The following PTPRD variants were observed in gnomAD, a reference collection of about 807,000 sequenced individuals.
The protein encoded by PTPRD is receptor-type tyrosine-protein phosphatase delta.
Under a neutral mutation model 214.5 loss-of-function variants are expected in PTPRD, and 34 were observed. The observed-to-expected ratio is 0.16, with a 90% CI of 0.12 to 0.21. The LOEUF (loss-of-function observed/expected upper bound fraction) is 0.21, where lower values mean the gene tolerates loss of function less well. Among genes scored for constraint, PTPRD ranks in the 10% least tolerant of loss-of-function variants. The pLI is 1.00. For synonymous variants in PTPRD, 1,128 were observed against 845.7 expected, an observed-to-expected ratio of 1.33 and a Z score of -5.79; for missense variants, 2,545 against 2,398.7, an observed-to-expected ratio of 1.06 and a Z score of -1.27.
chr9:8,797,730 A>G (rs1438249061), intron 11 of PTPRD, among the ~76,000 whole-genome samples: 1 of 152,216 alleles, frequency 6.6e-6, no homozygotes, highest in Middle Eastern at 3.2e-3. Context: ...GCTTTGTATT[A>G]AAGATATTTG....
At chr9:8,373,648 TGTGTG>T (rs2082215951) in intron 39 of PTPRD, among the ~76,000 whole-genome samples, 1 of 102,260 alleles carries the variant, frequency 9.8e-6, no homozygotes, top group Non-Finnish European at 2.4e-5. Flanking sequence ...TGTGTGTGTG[TGTGTG>T]TGTATTTTCT....
At chr9:9,984,977 C>T (rs1445561341) in intron 4 of PTPRD, among the ~76,000 whole-genome samples, 1 of 152,110 alleles carries the variant, frequency 6.6e-6, no homozygotes, top group Admixed American at 6.6e-5. Flanking sequence ...ATCATGCTCA[C>T]TATAAAGGAG....
intron 40 of PTPRD, 58 bp downstream of exon 40, chr9:8,341,635 C>A: frequency 6.3e-7 from 1 of 1,582,192 alleles, no homozygotes; most frequent in Non-Finnish European, 8.6e-7. Context: ...AGCCACGACT[C>A]AAAGACAAAC....
intron 11 of PTPRD, among the ~76,000 whole-genome samples, chr9:8,888,248 G>A (rs894249396): frequency 6.6e-6 from 1 of 152,272 alleles, no homozygotes; most frequent in East Asian, 1.9e-4. Context: ...AGTACTATGT[G>A]AAAGTCTATG....
intron 14 of PTPRD, among the ~76,000 whole-genome samples, chr9:8,603,189 A>G (rs560612696): frequency 3.9e-5 from 6 of 152,320 alleles, no homozygotes; most frequent in African/African-American, 1.4e-4. Flanking sequence ...AGGTTTCACC[A>G]TTTATAAGTT....
chr9:8,709,389 C>G (rs559533000), intron 12 of PTPRD, among the ~76,000 whole-genome samples: 1 of 151,652 alleles, frequency 6.6e-6, no homozygotes, highest in East Asian at 1.9e-4. Flanking sequence ...GTGGCAGGCA[C>G]CTGTAGTCCC....
At chr9:8,931,464 T>A (rs180714893) in intron 11 of PTPRD, among the ~76,000 whole-genome samples, 1 of 152,204 alleles carries the variant, frequency 6.6e-6, no homozygotes, top group East Asian at 1.9e-4. Flanking sequence ...TGGTTCCGTA[T>A]GAACTTTAAA....
At chr9:10,259,260 G>A (rs1463471766) in intron 3 of PTPRD, among the ~76,000 whole-genome samples, 5 of 151,988 alleles carry the variant, frequency 3.3e-5, no homozygotes, top group African/African-American at 1.2e-4. Flanking sequence ...TCCTGACCTC[G>A]TGATCAGCCC....
At chr9:9,286,476 A>G (rs1295705587) in intron 9 of PTPRD, among the ~76,000 whole-genome samples, 1 of 151,830 alleles carries the variant, frequency 6.6e-6, no homozygotes, top group Non-Finnish European at 1.5e-5. Flanking sequence ...TTTTGTAATT[A>G]TCGCAGAACT....
At chr9:9,568,272 C>T (rs148483794) in intron 8 of PTPRD, among the ~76,000 whole-genome samples, 3,154 of 151,920 alleles carry the variant, frequency 0.021, 47 homozygotes, top group Admixed American at 0.027. Context: ...TCATAGTGCA[C>T]ATCCTTCTTG....
At chr9:10,081,582 C>T (rs957504539) in intron 3 of PTPRD, among the ~76,000 whole-genome samples, 3 of 152,052 alleles carry the variant, frequency 2.0e-5, no homozygotes, top group Admixed American at 6.6e-5. Context: ...TCACCGCAAC[C>T]TGACCATGCT....
intron 5 of PTPRD, among the ~76,000 whole-genome samples, chr9:9,838,300 G>C (rs1391146590): frequency 1.3e-5 from 2 of 151,906 alleles, no homozygotes; most frequent in Non-Finnish European, 2.9e-5. Context: ...GGGATGGCTG[G>C]GTCAAATGGT....
intron 4 of PTPRD, among the ~76,000 whole-genome samples, chr9:9,973,070 A>G (rs546017750): frequency 6.2e-4 from 95 of 152,264 alleles, no homozygotes; most frequent in South Asian, 1.2e-3. Context: ...GAAAATTCCA[A>G]TAAGTCTAGA....
intron 8 of PTPRD, among the ~76,000 whole-genome samples, chr9:9,457,096 C>T (rs949452427): frequency 2.0e-5 from 3 of 151,792 alleles, no homozygotes; most frequent in Non-Finnish European, 2.9e-5. Flanking sequence ...AACAGGACAG[C>T]AATAGGGTAG....
intron 11 of PTPRD, among the ~76,000 whole-genome samples, chr9:8,866,770 CTCA>C (rs571834988): frequency 5.7e-5 from 5 of 87,216 alleles, no homozygotes; most frequent in African/African-American, 2.3e-4. Flanking sequence ...TAAGAATCAT[CTCA>C]TCAAGTCAGT....
At chr9:10,099,195 C>T (rs1591148755) in intron 3 of PTPRD, among the ~76,000 whole-genome samples, 1 of 151,690 alleles carries the variant, frequency 6.6e-6, no homozygotes, top group South Asian at 2.1e-4. Flanking sequence ...TTATTAAGAG[C>T]CTGGGGTCTA....
intron 45 of PTPRD, 100 bp from the exon 46 acceptor site, chr9:8,318,042 A>T: frequency 8.7e-7 from 1 of 1,147,326 alleles, no homozygotes; most frequent in Non-Finnish European, 1.3e-6. Flanking sequence ...TAACATCTAT[A>T]TAGGGGCAAA....
intron 2 of PTPRD, among the ~76,000 whole-genome samples, chr9:10,492,747 G>A (rs2132769738): frequency 6.6e-6 from 1 of 152,158 alleles, no homozygotes; most frequent in South Asian, 2.1e-4. Context: ...TTTGGCTTTT[G>A]TTGCCATTGC....
rs56297149 is a variant in PTPRD at position 10,150,652 on chromosome 9, G to A, written c.-544-116862C>T. On this transcript the variant is annotated intron_variant, in intron 3 of 45. Coordinates refer to ENST00000381196, the MANE Select transcript of PTPRD (RefSeq NM_002839.4). ...GTGCACATGTACCCTAGAACTTAAAGTAAAATAAAAAAAAAACTTAAAAAT... is the reference window on the plus strand; with the variant it reads ...GTGCACATGTACCCTAGAACTTAAAATAAAATAAAAAAAAAACTTAAAAAT... Among the ~76,000 whole-genome samples, 600 of 143,744 alleles carry A rather than the reference G, an allele frequency of 4.2e-3. 1 individual carries two copies. Among genetic ancestry groups the A allele is most frequent in the Non-Finnish European group, 7.0e-3 (463 of 65,870 alleles). The allele number at this position is 143,744 out of a possible 152,430, so 94.3% of individuals were successfully genotyped here.
Sources: gnomAD v4.1 joint callset for allele counts (sites outside exome capture counted in the v4.1 genomes callset) on GRCh38, gnomAD v4.1.1 for gene constraint, MANE v1.5 for transcripts, NCBI Gene and HGNC (gene_info 2026-07-23, HGNC 2026-07-21) for gene names.